The following NDE1 variants were observed in gnomAD, a reference collection of about 807,000 sequenced individuals.
The protein encoded by NDE1 is nuclear distribution protein nudE homolog 1.
In NDE1, 28 loss-of-function variants were observed where a neutral mutation model predicts 43.4. The ratio of observed to expected loss-of-function variants is 0.65; its 90% CI spans 0.48 to 0.89. NDE1 has a LOEUF of 0.89. NDE1 is among the 40% of genes least tolerant of loss of function. The probability of loss-of-function intolerance (pLI) is 0.00; values close to 1 mark genes in which losing one functional copy is unlikely to be tolerated. For synonymous variants in NDE1, 184 were observed against 172.0 expected, an observed-to-expected ratio of 1.07 and a Z score of -0.55; for missense variants, 441 against 434.1, an observed-to-expected ratio of 1.02 and a Z score of -0.14.
Position 15,692,003 on chromosome 16 carries a change from C to T in NDE1, c.703+680C>T, listed in dbSNP as rs187122120. ...TGACCAAATACAAAAAAGTAAAAAG[C>T]GTTCTGTGGGTTTAGTAATACATCC... On this transcript the variant is annotated intron_variant, in intron 6 of 8. Coordinates refer to ENST00000396354, the MANE Select transcript of NDE1 (RefSeq NM_017668.3). Among the ~76,000 whole-genome samples the T allele has an allele frequency of 3.4e-3, 524 of 152,076 alleles. 2 individuals are homozygous for T. The highest frequency in any genetic ancestry group is 6.1e-3 in the Non-Finnish European group (412 of 67,982).
At chr16:15,690,889 C>T (rs532332520) in intron 5 of NDE1, among the ~76,000 whole-genome samples, 1 of 152,284 alleles carries the variant, frequency 6.6e-6, no homozygotes, top group Admixed American at 6.5e-5. Context: ...CTCACTGCCA[C>T]CCTGGCCTCC....
chr16:15,658,452 C>T (rs1445258261), intron 1 of NDE1, among the ~76,000 whole-genome samples: 5 of 152,098 alleles, frequency 3.3e-5, no homozygotes, highest in Non-Finnish European at 7.4e-5. Context: ...TAGGCCCACC[C>T]ATGAGCTGAT....
chr16:15,676,625 C>T (rs979606414), intron 3 of NDE1, among the ~76,000 whole-genome samples: 1 of 152,106 alleles, frequency 6.6e-6, no homozygotes, highest in Admixed American at 6.6e-5. Context: ...AAACCAAGTT[C>T]ATGCTGCCCT....
chr16:15,724,563 C>T lies in NDE1; in HGVS notation c.*312C>T, dbSNP rs527245682. On this transcript the variant is annotated 3_prime_UTR_variant, in exon 9 of 9. Transcript: ENST00000396354. The stretch of plus-strand genomic sequence containing the variant: ...GGGGTCAAGCACCATCGCACCAACA[C>T]TCCACCGCGATCTGCCTGCGGGGGA... The T allele has an allele frequency of 1.0e-4, 162 of 1,609,148 alleles. 1 individual carries two copies. In the African/African-American group the frequency reaches 1.4e-3, roughly 14 times the overall value.
upstream of NDE1, among the ~76,000 whole-genome samples, chr16:15,645,371 C>T (rs1038038509): frequency 1.4e-4 from 22 of 152,160 alleles, 1 homozygote; most frequent in South Asian, 3.9e-3. Flanking sequence ...TGACTCATGT[C>T]GTAATCCCAG....
intron 8 of NDE1, among the ~76,000 whole-genome samples, chr16:15,700,877 A>G (rs1296393122): frequency 6.6e-6 from 1 of 152,104 alleles, no homozygotes; most frequent in Non-Finnish European, 1.5e-5. Flanking sequence ...AAAATCTCCC[A>G]GTGCTTTGTG....
intron 4 of NDE1, among the ~76,000 whole-genome samples, chr16:15,683,066 C>G (rs2038264370): frequency 6.6e-6 from 1 of 151,836 alleles, no homozygotes; most frequent in Non-Finnish European, 1.5e-5. Flanking sequence ...AGGCTGGTCT[C>G]AAACTCCTGG....
intron 7 of NDE1, chr16:15,695,640 GA>G (rs1328799778): frequency 1.0e-6 from 1 of 985,100 alleles, no homozygotes; most frequent in East Asian, 1.1e-4. Context: ...ATGATGCCTA[GA>G]AGGCCACATA....
intron 1 of NDE1, chr16:15,651,639 C>T (rs894720085): frequency 2.6e-5 from 4 of 152,052 alleles, no homozygotes; most frequent in Middle Eastern, 3.4e-3. Flanking sequence ...GATGGGGTTT[C>T]ACCGTGTTAG....
intron 5 of NDE1, among the ~76,000 whole-genome samples, chr16:15,688,545 A>G (rs2038556448): frequency 1.4e-5 from 2 of 145,628 alleles, no homozygotes; most frequent in Non-Finnish European, 3.0e-5. Flanking sequence ...AGGCACGAGA[A>G]TTGCTTGAAC....
At chr16:15,695,291 T>G (rs2038960809) in intron 7 of NDE1, among the ~76,000 whole-genome samples, 1 of 143,298 alleles carries the variant, frequency 7.0e-6, no homozygotes. Flanking sequence ...GTGGATCACC[T>G]GAAGTCAGGA....
intron 8 of NDE1, chr16:15,699,879 G>T (rs768793260): frequency 2.3e-6 from 3 of 1,304,132 alleles, no homozygotes; most frequent in African/African-American, 3.0e-5. Flanking sequence ...ACCTTTTGTC[G>T]TCTTTTTACA....
Position 15,704,119 on chromosome 16 carries a change from C to T in NDE1, c.947+7259C>T. The stretch of plus-strand genomic sequence containing the variant: ...GAAGGAACGAAAGAGGTCTCGTTTC[C>T]TCGCCTGTGGGTTGTAAGAAAACAC... On this transcript the variant is annotated intron_variant, in intron 8 of 8. Transcript: ENST00000396354. The T allele has an allele frequency of 6.2e-7, 1 of 1,614,032 alleles. No homozygotes were observed. Among genetic ancestry groups the T allele is most frequent in the Non-Finnish European group, 8.5e-7 (1 of 1,179,984 alleles).
At chr16:15,687,694 GC>G (rs2038510832) in intron 5 of NDE1, among the ~76,000 whole-genome samples, 183 bp downstream of exon 5, 1 of 152,224 alleles carries the variant, frequency 6.6e-6, no homozygotes, top group African/African-American at 2.4e-5. Context: ...CCTGGCTGGA[GC>G]TGAGAACAGT....
chr16:15,705,738 T>C (rs1350685132), intron 8 of NDE1, among the ~76,000 whole-genome samples: 1 of 151,906 alleles, frequency 6.6e-6, no homozygotes, highest in African/African-American at 2.4e-5. Flanking sequence ...TCTCAGCACT[T>C]TGGGAGGCTG....
At chr16:15,676,182 C>CCTTTTCTCCCTCCTT (rs1213681280) in intron 3 of NDE1, among the ~76,000 whole-genome samples, 30 of 150,560 alleles carry the variant, frequency 2.0e-4, no homozygotes, top group Admixed American at 1.8e-3. Context: ...TTTATCCCCT[C>CCTTTTCTCCCTCCTT]CTTTTCTCCC....
At chr16:15,719,163 G>A (rs1311631946) in intron 8 of NDE1, 6 of 1,520,584 alleles carry the variant, frequency 3.9e-6, no homozygotes, top group Non-Finnish European at 5.5e-6. Flanking sequence ...GGTCGAGGAT[G>A]CTGCCTGTCC....
upstream of NDE1, among the ~76,000 whole-genome samples, chr16:15,646,257 G>A (rs2036327112): frequency 2.6e-5 from 4 of 152,160 alleles, no homozygotes; most frequent in South Asian, 6.2e-4. Flanking sequence ...GTCCAGAAAC[G>A]TCACAGAGTG....
chr16:15,645,556 T>G (rs941670147), upstream of NDE1, among the ~76,000 whole-genome samples: 4 of 152,190 alleles, frequency 2.6e-5, no homozygotes, highest in African/African-American at 9.6e-5. Flanking sequence ...AAATGTAATT[T>G]TATTGCTGCT....
Sources: allele counts gnomAD v4.1 joint callset (sites outside exome capture counted in the v4.1 genomes callset), GRCh38; gene constraint gnomAD v4.1.1; transcripts MANE v1.5; gene names NCBI Gene and HGNC (gene_info 2026-07-23, HGNC 2026-07-21).